Variants in JDP2 observed in about 807,000 individuals in gnomAD.
JDP2 encodes progesterone receptor co-activator.
Under a neutral mutation model 17.1 loss-of-function variants are expected in JDP2, and 9 were observed. The ratio of observed to expected loss-of-function variants is 0.53; its 90% CI spans 0.32 to 0.92. JDP2 has a LOEUF of 0.92. Among genes scored for constraint, JDP2 ranks in the 40% least tolerant of loss-of-function variants. JDP2 has a pLI of 0.04. For missense variants in JDP2, 179 were observed against 220.0 expected (o/e 0.81, Z 1.18); for synonymous variants, 107 against 95.6 (o/e 1.12, Z -0.69).
intron 2 of JDP2, among the ~76,000 whole-genome samples, chr14:75,442,926 T>A (rs1267899189): frequency 6.6e-6 from 1 of 152,158 alleles, no homozygotes; most frequent in African/African-American, 2.4e-5. Flanking sequence ...AATCGGTGCA[T>A]ACGTATCATT....
At chr14:75,462,640 A>G (rs1222035701) in intron 3 of JDP2, among the ~76,000 whole-genome samples, 1 of 152,198 alleles carries the variant, frequency 6.6e-6, no homozygotes, top group Admixed American at 6.5e-5. Context: ...CTAAATGTGC[A>G]TCCGTGTGTT....
At chr14:75,456,356 TTCTCTGTCCCACTG>T (rs1457731853) in intron 2 of JDP2, among the ~76,000 whole-genome samples, 2 of 152,218 alleles carry the variant, frequency 1.3e-5, no homozygotes, top group Admixed American at 6.5e-5. Flanking sequence ...TTCTGTGTGT[TTCTCTGTCCCACTG>T]TCTCTGTCTG....
At chr14:75,459,771 C>G (rs1467025078) in intron 2 of JDP2, among the ~76,000 whole-genome samples, 1 of 152,208 alleles carries the variant, frequency 6.6e-6, no homozygotes, top group Non-Finnish European at 1.5e-5. Flanking sequence ...CCCAGCCCAG[C>G]TGGTCCTGGG....
At chr14:75,434,697 A>G (rs1350642300) in intron 1 of JDP2, among the ~76,000 whole-genome samples, 1 of 152,096 alleles carries the variant, frequency 6.6e-6, no homozygotes, top group Non-Finnish European at 1.5e-5. Context: ...CATTCCCGGA[A>G]CAGAATGGGG....
At chr14:75,449,071 G>C (rs909240642) in intron 2 of JDP2, among the ~76,000 whole-genome samples, 1 of 152,220 alleles carries the variant, frequency 6.6e-6, no homozygotes, top group African/African-American at 2.4e-5. Context: ...CAGTATTCTT[G>C]ATGGGGAGGT....
In JDP2 at chr14:75,439,143, G is replaced by A. The variant is rs141231988; in HGVS notation, c.201+1022G>A. Among the ~76,000 whole-genome samples the A allele has an allele frequency of 6.3e-4, 96 of 152,282 alleles. 1 individual carries two copies. The East Asian group carries it at 0.015, about 24-fold the overall frequency. The stretch of plus-strand genomic sequence containing the variant: ...AAGTGCTGGAGAGAGGACTTTCTTC[G>A]TGGAGAAGGGTGTCTGGGTACCCGT... On this transcript the variant is annotated intron_variant, in intron 2 of 3. Coordinates refer to ENST00000651602, the MANE Select transcript of JDP2 (RefSeq NM_001135048.2).
rs578176007 is a variant in JDP2 at position 75,445,684 on chromosome 14, C to T, written c.201+7563C>T. 4 of 738,190 alleles carry T rather than the reference C, an allele frequency of 5.4e-6. No individual in the cohort carries two copies. The South Asian group carries it at 1.8e-4, about 34-fold the overall frequency. The allele number at this position is 738,190 out of a possible 1,614,324, so 45.7% of individuals were successfully genotyped here. On this transcript the variant is annotated intron_variant, in intron 2 of 3. Coordinates refer to ENST00000651602, the MANE Select transcript of JDP2 (RefSeq NM_001135048.2). ...TATTATCTCAAAATGGATCGAAGGCCTAAATGTAAGAGTGAAAACTAGAAA... is the reference window on the plus strand; with the variant it reads ...TATTATCTCAAAATGGATCGAAGGCTTAAATGTAAGAGTGAAAACTAGAAA...
intron 2 of JDP2, among the ~76,000 whole-genome samples, chr14:75,444,010 C>T (rs2139962823): frequency 6.6e-6 from 1 of 152,092 alleles, no homozygotes; most frequent in East Asian, 1.9e-4. Flanking sequence ...TCAAGAAATC[C>T]TCTCACCTCA....
intron 1 of JDP2, among the ~76,000 whole-genome samples, chr14:75,433,195 C>CAAAAAAAAAAAAAA (rs780191475): frequency 5.2e-5 from 1 of 19,374 alleles, no homozygotes; most frequent in Non-Finnish European, 9.6e-5. Context: ...AACTCCGTCT[C>CAAAAAAAAAAAAAA]AAAAAAAAAA....
rs573116112 is a variant in JDP2 at position 75,435,689 on chromosome 14, A to G, written c.-23-2209A>G. On this transcript the variant is annotated intron_variant, in intron 1 of 3. Transcript: ENST00000651602. ...TCCTGTCAAAATGAGGATGTGGTTT[A>G]GATGAGCACAGGGCCTCCTTCAGCT... 5.3e-5 allele frequency among the ~76,000 whole-genome samples: 8 copies of G among 152,334 alleles called. No individual in the cohort carries two copies. The East Asian group carries it at 1.4e-3, about 26-fold the overall frequency.
chr14:75,442,523 G>A (rs1274760433), intron 2 of JDP2, among the ~76,000 whole-genome samples: 1 of 152,192 alleles, frequency 6.6e-6, no homozygotes, highest in Non-Finnish European at 1.5e-5. Context: ...ATTATGAGCT[G>A]TGTCAACTTG....
intron 2 of JDP2, among the ~76,000 whole-genome samples, chr14:75,451,512 G>T (rs741846): frequency 6.6e-6 from 1 of 152,026 alleles, no homozygotes; most frequent in Admixed American, 6.5e-5. Flanking sequence ...GTTGGCATTA[G>T]TGTATGGGTG....
At chr14:75,429,887 A>G (rs554525590) in intron 1 of JDP2, among the ~76,000 whole-genome samples, 1 of 152,150 alleles carries the variant, frequency 6.6e-6, no homozygotes, top group South Asian at 2.1e-4. Flanking sequence ...GAAGGGCTGC[A>G]GGAAGTCATG....
upstream of JDP2, chr14:75,427,670 G>C (rs1035806662): frequency 5.9e-5 from 9 of 153,586 alleles, no homozygotes; most frequent in African/African-American, 1.9e-4. The surrounding 1 kb of genome is among the most constrained non-coding windows in gnomAD (Gnocchi z 4.4). Context: ...GGCACAAGCC[G>C]GGCGGCGGTG....
intron 3 of JDP2, among the ~76,000 whole-genome samples, chr14:75,463,491 G>C (rs1321473201): frequency 1.3e-5 from 2 of 152,114 alleles, no homozygotes; most frequent in Non-Finnish European, 2.9e-5. Context: ...AACAAGGAAA[G>C]TGACGTGTGC....
intron 2 of JDP2, among the ~76,000 whole-genome samples, chr14:75,455,483 A>G (rs914226607): frequency 2.0e-5 from 3 of 152,172 alleles, no homozygotes; most frequent in African/African-American, 7.2e-5. Flanking sequence ...TCTGTGCCCC[A>G]GGTGGCTCAT....
chr14:75,434,807 G>A (rs775033001), intron 1 of JDP2, among the ~76,000 whole-genome samples: 4 of 152,134 alleles, frequency 2.6e-5, no homozygotes, highest in Non-Finnish European at 4.4e-5. Context: ...TGAATAACTT[G>A]GAGGTGAAAT....
intron 2 of JDP2, among the ~76,000 whole-genome samples, chr14:75,445,890 T>C (rs1327898884): frequency 6.6e-6 from 1 of 152,030 alleles, no homozygotes; most frequent in Non-Finnish European, 1.5e-5. Context: ...TGAGAGAAAA[T>C]GTTTGCAAAT....
intron 3 of JDP2, among the ~76,000 whole-genome samples, chr14:75,463,180 C>G (rs1394444807): frequency 1.3e-5 from 2 of 152,258 alleles, no homozygotes; most frequent in Non-Finnish European, 2.9e-5. Flanking sequence ...CAATGAATGG[C>G]ACTCACTGCC....
Sources: gnomAD v4.1 joint callset for allele counts (sites outside exome capture counted in the v4.1 genomes callset) on GRCh38, gnomAD v4.1.1 for gene constraint, Gnocchi (gnomAD v3.1) non-coding constraint, MANE v1.5 for transcripts, NCBI Gene and HGNC (gene_info 2026-07-23, HGNC 2026-07-21) for gene names.